WWTR1: variants seen among roughly 807,000 people sequenced by gnomAD.
The protein encoded by WWTR1 is WW domain-containing transcription regulator protein 1.
WWTR1 carries 13 observed loss-of-function variants against 40.1 expected under a neutral mutation model. The ratio of observed to expected loss-of-function variants is 0.32; its 90% confidence interval spans 0.21 to 0.52. WWTR1 has a LOEUF of 0.52. WWTR1 is among the 20% of genes least tolerant of loss of function. The pLI is 0.97. For missense variants in WWTR1, 436 were observed against 523.1 expected (o/e 0.83, Z 1.63); for synonymous variants, 230 against 210.1 (o/e 1.09, Z -0.82).
chr3:149,524,671 C>T (rs535270892), intron 6 of WWTR1, among the ~76,000 whole-genome samples: 4 of 152,226 alleles, frequency 2.6e-5, no homozygotes, highest in Admixed American at 1.3e-4. Context: ...ACAACCTACA[C>T]GAAAGACGCC....
rs1168616814 is a variant in WWTR1, at chr3:149,518,637, G to A, written c.*2168C>T. 2 of 151,956 alleles carry A rather than the reference G, an allele frequency of 1.3e-5. No individual in the cohort carries two copies. Among genetic ancestry groups the A allele is most frequent in the African/African-American group, 4.8e-5 (2 of 41,364 alleles). 9.4% of individuals were successfully genotyped at this position (151,956 alleles called of 1,614,324 possible). ...GGAACATAAACCATGGGTCCTTCAG[G>A]TAAAATAAGTCATTTCATAGTGATG... On this transcript the variant is annotated 3_prime_UTR_variant, in exon 7 of 7. Transcript: ENST00000360632.
chr3:149,651,852 T>G (rs1364943415), intron 2 of WWTR1, among the ~76,000 whole-genome samples: 2 of 140,696 alleles, frequency 1.4e-5, no homozygotes, highest in African/African-American at 2.6e-5. Context: ...TTTTTTGAGA[T>G]GGAGTCTGGC....
intron 2 of WWTR1, among the ~76,000 whole-genome samples, chr3:149,616,557 C>T (rs1438326604): frequency 5.9e-5 from 9 of 152,044 alleles, no homozygotes; most frequent in African/African-American, 2.2e-4. Flanking sequence ...ATTCTCCTGC[C>T]TCAGCCTCCT....
At chr3:149,720,763 C>T (rs74861086) in intron 4 of WWTR1, among the ~76,000 whole-genome samples, 3,022 of 152,178 alleles carry the variant, frequency 0.02, 65 homozygotes, top group South Asian at 0.093. Flanking sequence ...TGAAATAGCT[C>T]TCCATTTATT....
intron 2 of WWTR1, among the ~76,000 whole-genome samples, chr3:149,619,906 C>G (rs1022631786): frequency 6.6e-6 from 1 of 152,098 alleles, no homozygotes; most frequent in Non-Finnish European, 1.5e-5. Context: ...TCTCACAGAT[C>G]GATTTCTAAA....
intron 2 of WWTR1, among the ~76,000 whole-genome samples, chr3:149,590,460 G>A (rs2108028777): frequency 6.6e-6 from 1 of 152,258 alleles, no homozygotes; most frequent in Admixed American, 6.5e-5. Context: ...GACAAGCCTG[G>A]CCAACGTGGT....
chr3:149,692,312 G>C (rs1048669685), intron 1 of WWTR1, among the ~76,000 whole-genome samples: 1 of 152,140 alleles, frequency 6.6e-6, no homozygotes, highest in South Asian at 2.1e-4. Context: ...CCATGACCAA[G>C]TGGAATTTAT....
At chr3:149,703,910 T>C (rs911980338), upstream of WWTR1, among the ~76,000 whole-genome samples, 1 of 152,172 alleles carries the variant, frequency 6.6e-6, no homozygotes, top group Non-Finnish European at 1.5e-5. Flanking sequence ...TGTGGAACCA[T>C]GAGCCAAAAT....
chr3:149,719,568 G>T lies in WWTR1; in HGVS notation n.460-2002C>A, dbSNP rs578193111. ...GGGTTGCTTCAATGTTTTAGCTATT[G>T]TAAGTAATGCTGTATGAACACGAGC... On this transcript the variant is annotated intron_variant and non_coding_transcript_variant, in intron 4 of 6. Transcript: ENST00000474080. Among the ~76,000 whole-genome samples, 5 of 152,278 alleles carry T rather than the reference G, an allele frequency of 3.3e-5. No individual in the cohort carries two copies. In the South Asian group the frequency reaches 1.0e-3, roughly 32 times the overall value.
At chr3:149,559,312 AAG>A (rs1736987929) in intron 3 of WWTR1, among the ~76,000 whole-genome samples, 1 of 147,844 alleles carries the variant, frequency 6.8e-6, no homozygotes, top group South Asian at 2.2e-4. Context: ...AAAAAAAAAA[AAG>A]AAAAGAAAAG....
upstream of WWTR1, chr3:149,659,561 C>T (rs1251313982): frequency 6.6e-6 from 1 of 151,980 alleles, no homozygotes; most frequent in Non-Finnish European, 1.5e-5. Context: ...GTCTCAAATC[C>T]TGACTTCAGG....
chr3:149,520,911 C>T lies in WWTR1; in HGVS notation c.1097G>A (p.Gly366Glu). Residue 366 changes from glycine to glutamate, a missense_variant, in exon 7 of 7, where the codon GGA (glycine) becomes GAA (glutamate). Physicochemically the swap from Gly to Glu is moderately conservative, Grantham distance 98 (BLOSUM62 -2). Coordinates refer to ENST00000360632, the MANE Select transcript of WWTR1 (RefSeq NM_015472.6). ...CAAAGTTCCTAAGTCAACGTTTGTT[C>T]CTGGAAGACAGTCAAGGAAATCAGG... ...RFPDFLDCLPGTNVDLGTLES... is the reference protein window; with the variant it reads ...RFPDFLDCLPETNVDLGTLES... The T allele has an allele frequency of 1.2e-6, 2 of 1,613,510 alleles. No individual in the cohort carries two copies. The highest frequency in any genetic ancestry group is 1.7e-6 in the Non-Finnish European group (2 of 1,179,782).
rs1017196843 is a variant in WWTR1, at chr3:149,580,855, A to G, written c.432-7855T>C. On this transcript the variant is annotated intron_variant, in intron 2 of 6. Coordinates refer to ENST00000360632, the MANE Select transcript of WWTR1 (RefSeq NM_015472.6). The stretch of plus-strand genomic sequence containing the variant: ...CTAAACTCTTGACCTCAGGCCATCC[A>G]CCCGCCTCAGGCTCCCAAAGTGCTG... Among the ~76,000 whole-genome samples the G allele has an allele frequency of 2.6e-5, 4 of 151,500 alleles. No individual in the cohort carries two copies. In the South Asian group the frequency reaches 8.3e-4, roughly 32 times the overall value.
chr3:149,521,239 G>A (rs931349797), intron 6 of WWTR1, among the ~76,000 whole-genome samples: 1 of 152,182 alleles, frequency 6.6e-6, no homozygotes, highest in Non-Finnish European at 1.5e-5. Context: ...TCTATGATCT[G>A]TGCCTTCCCA....
intron 3 of WWTR1, among the ~76,000 whole-genome samples, chr3:149,572,134 T>TCCA (rs759991238): frequency 2.0e-5 from 3 of 152,176 alleles, no homozygotes; most frequent in Non-Finnish European, 2.9e-5. Context: ...TAGCCTGCTC[T>TCCA]CCAGCTCTGC....
At chr3:149,655,124 TAAAAA>T (rs970342855) in intron 2 of WWTR1, among the ~76,000 whole-genome samples, 1 of 144,276 alleles carries the variant, frequency 6.9e-6, no homozygotes, top group East Asian at 2.1e-4. Context: ...AGACTCCATC[TAAAAA>T]AGAAAGAAAG....
At chr3:149,560,854 T>C (rs919078234) in intron 3 of WWTR1, among the ~76,000 whole-genome samples, 8 of 151,888 alleles carry the variant, frequency 5.3e-5, no homozygotes, top group African/African-American at 1.5e-4. Context: ...CAAAAACATA[T>C]GGATATACAA....
At chr3:149,617,676 T>A (rs1740050924) in intron 2 of WWTR1, among the ~76,000 whole-genome samples, 1 of 152,190 alleles carries the variant, frequency 6.6e-6, no homozygotes, top group South Asian at 2.1e-4. Context: ...GGTACATGCC[T>A]GTAGTCCCAG....
At chr3:149,613,473 A>C (rs1194923200) in intron 2 of WWTR1, among the ~76,000 whole-genome samples, 1 of 152,156 alleles carries the variant, frequency 6.6e-6, no homozygotes, top group African/African-American at 2.4e-5. Flanking sequence ...TGCCCCTGAC[A>C]TACTCATCTC....
Sources: gnomAD v4.1 joint callset for allele counts (sites outside exome capture counted in the v4.1 genomes callset) on GRCh38, gnomAD v4.1.1 for gene constraint, MANE v1.5 for transcripts, NCBI Gene and HGNC (gene_info 2026-07-23, HGNC 2026-07-21) for gene names.